DDX19B: variants seen among roughly 807,000 people sequenced by gnomAD.
DDX19B encodes the protein DEAD-box helicase 19B.
A neutral mutation model predicts 58.1 loss-of-function variants in DDX19B; 27 were observed. That is an observed-to-expected ratio of 0.46 (90% confidence interval 0.34 to 0.64). The LOEUF is 0.64. DDX19B is among the 30% of genes least tolerant of loss of function. The pLI is 0.01. For missense variants in DDX19B, 399 were observed against 596.5 expected, an observed-to-expected ratio of 0.67 and a Z score of 3.45; for synonymous variants, 187 against 214.4, an observed-to-expected ratio of 0.87 and a Z score of 1.12.
chr16:70,335,059 AG>A lies in DDX19B; in HGVS notation c.*1479del, dbSNP rs1197319157. On this transcript the variant is annotated 3_prime_UTR_variant, in exon 12 of 12. Transcript: ENST00000288071. ...AGGGAAGGGGCCAATGTCAGCCTCC[AG>A]GTGATTTCTTTAATCTGACATTACA... 6.6e-6 allele frequency: 1 copy of A among 152,208 alleles called. No individual in the cohort carries two copies. The highest frequency in any genetic ancestry group is 1.5e-5 in the Non-Finnish European group (1 of 68,070). 9.4% of individuals were successfully genotyped at this position (152,208 alleles called of 1,614,324 possible). A position where few individuals can be genotyped will look rare whatever the true frequency, so the allele number is the denominator to read the frequency against.
At chr16:70,317,784 A>C in intron 5 of DDX19B, 196 bp downstream of exon 5, 1 of 368,878 alleles carries the variant, frequency 2.7e-6, no homozygotes, top group South Asian at 3.6e-5. Flanking sequence ...CAAAAAAAAA[A>C]ACGTTATAAA....
intron 1 of DDX19B, among the ~76,000 whole-genome samples, chr16:70,304,150 C>T (rs1388700057): frequency 6.6e-6 from 1 of 151,654 alleles, no homozygotes; most frequent in African/African-American, 2.4e-5. Flanking sequence ...AAGCAATTCT[C>T]CTGCCTCAGC....
At chr16:70,301,696 CTTT>C (rs75159803) in intron 1 of DDX19B, among the ~76,000 whole-genome samples, 6 of 136,668 alleles carry the variant, frequency 4.4e-5, no homozygotes, top group Admixed American at 7.4e-5. Flanking sequence ...CTCTCTCTCT[CTTT>C]TTTTTTTTTT....
In DDX19B at chr16:70,331,716, C is replaced by T; in HGVS notation, c.1024-6C>T. ...TCTTCATAAAAAACAATTCTTTTCA[C>T]TACAGACTCGCAAAACAGCTAGTTG... On this transcript the variant is annotated splice_region_variant and splice_polypyrimidine_tract_variant and intron_variant, in intron 9 of 11. Coordinates refer to ENST00000288071, the MANE Select transcript of DDX19B (RefSeq NM_007242.7). 2 of 1,613,360 alleles carry T rather than the reference C, an allele frequency of 1.2e-6. No individual in the cohort carries two copies. Among genetic ancestry groups the T allele is most frequent in the Non-Finnish European group, 1.7e-6 (2 of 1,179,812 alleles).
intron 1 of DDX19B, among the ~76,000 whole-genome samples, chr16:70,300,422 G>C (rs754312133): frequency 4.7e-4 from 71 of 151,976 alleles, no homozygotes; most frequent in South Asian, 4.1e-4. Context: ...TGCCCAGGCT[G>C]GTCTCGAACT....
intron 4 of DDX19B, 100 bp downstream of exon 4, chr16:70,316,204 T>TAAA: frequency 7.1e-7 from 1 of 1,415,398 alleles, no homozygotes; most frequent in South Asian, 1.5e-5. Flanking sequence ...CAGTTTTAGC[T>TAAA]AACCAAGTTT....
upstream of DDX19B, among the ~76,000 whole-genome samples, chr16:70,291,065 CAT>C (rs1194507878): frequency 3.3e-5 from 5 of 152,180 alleles, no homozygotes; most frequent in Admixed American, 6.5e-5. Flanking sequence ...CCAGTAAAAA[CAT>C]AAATCATTTG....
upstream of DDX19B, among the ~76,000 whole-genome samples, chr16:70,293,085 A>T (rs1961101067): frequency 1.5e-5 from 2 of 132,952 alleles, no homozygotes; most frequent in East Asian, 3.9e-4. Flanking sequence ...TGTCTCAAAA[A>T]AATTAAATTA....
At position 70,309,274 on chromosome 16, in the gene DDX19B, T is replaced by A. The variant is rs932888104; in HGVS notation, c.58-3335T>A. On this transcript the variant is annotated intron_variant, in intron 1 of 11. Coordinates refer to ENST00000288071, the MANE Select transcript of DDX19B (RefSeq NM_007242.7). ...ACTTCGGGAGGCCGAGGCGGGCAGATCACGAGGTCAGGAGATCGAGACCAT... is the reference window on the plus strand; with the variant it reads ...ACTTCGGGAGGCCGAGGCGGGCAGAACACGAGGTCAGGAGATCGAGACCAT... 4.6e-5 allele frequency among the ~76,000 whole-genome samples: 7 copies of A among 151,946 alleles called. No homozygotes were observed. In the South Asian group the frequency reaches 8.3e-4, roughly 18 times the overall value.
In DDX19B at chr16:70,329,343, C is replaced by T. The variant is rs1272595007; in HGVS notation, c.659C>T (p.Thr220Ile). 2 of 1,614,030 alleles carry T rather than the reference C, an allele frequency of 1.2e-6. No individual in the cohort carries two copies. The highest frequency in any genetic ancestry group is 2.2e-5 in the East Asian group (1 of 44,878). The change falls in exon 8 of 12, where the codon ACT becomes ATT. Residue 220 changes from threonine (T) to isoleucine (I), a missense_variant. Coordinates refer to ENST00000288071, the MANE Select transcript of DDX19B (RefSeq NM_007242.7). ...CAGATTGTCATTGGCACCCCTGGGA[C>T]TGTGCTGGACTGGTGCTCCAAGCTC... ...SEQIVIGTPGTVLDWCSKLKF... is the reference protein window; with the variant it reads ...SEQIVIGTPGIVLDWCSKLKF...
chr16:70,295,633 T>A (rs561912576), upstream of DDX19B, among the ~76,000 whole-genome samples: 1 of 152,226 alleles, frequency 6.6e-6, no homozygotes, highest in East Asian at 1.9e-4. Context: ...AGTAATTTTA[T>A]TTATTAAGTT....
At chr16:70,294,819 G>A, upstream of DDX19B, 1 of 1,466,474 alleles carries the variant, frequency 6.8e-7, no homozygotes, top group Non-Finnish European at 9.0e-7. Flanking sequence ...AGCGGTTGTT[G>A]GAGTGTAACT....
At chr16:70,324,207 G>C (rs1963010666) in intron 5 of DDX19B, among the ~76,000 whole-genome samples, 1 of 151,772 alleles carries the variant, frequency 6.6e-6, no homozygotes, top group South Asian at 2.1e-4. Context: ...CACATTTTAA[G>C]AATCAGTAGG....
Position 70,329,329 on chromosome 16 carries a change from T to C in DDX19B, c.645T>C (p.Ile215=). The change falls in exon 8 of 12, where the codon ATT becomes ATC. Residue 215 remains isoleucine, a synonymous_variant. Coordinates refer to ENST00000288071, the MANE Select transcript of DDX19B (RefSeq NM_007242.7). ...AGAAGATCAGTGAGCAGATTGTCAT[T>C]GGCACCCCTGGGACTGTGCTGGACT... is the stretch of plus-strand genomic sequence containing the variant. ...RGQKISEQIV[I]GTPGTVLDWC... is the part of the protein sequence containing the mutation. 6.2e-7 allele frequency: 1 copy of C among 1,614,006 alleles called. No homozygotes were observed. Among genetic ancestry groups the C allele is most frequent in the Non-Finnish European group, 8.5e-7 (1 of 1,180,000 alleles).
intron 1 of DDX19B, among the ~76,000 whole-genome samples, chr16:70,306,922 G>A (rs1035753988): frequency 1.3e-5 from 2 of 152,156 alleles, no homozygotes; most frequent in Non-Finnish European, 2.9e-5. Context: ...TCTACTTTCT[G>A]TCTCTTTAGA....
intron 1 of DDX19B, among the ~76,000 whole-genome samples, 167 bp downstream of exon 1, chr16:70,299,521 G>A (rs1961373543): frequency 6.6e-6 from 1 of 152,136 alleles, no homozygotes; most frequent in Non-Finnish European, 1.5e-5. Flanking sequence ...CCGCCTCCGC[G>A]TTACGTAAGC....
At chr16:70,296,235 C>G (rs902196066), upstream of DDX19B, among the ~76,000 whole-genome samples, 3 of 152,018 alleles carry the variant, frequency 2.0e-5, no homozygotes, top group Admixed American at 6.6e-5. Flanking sequence ...AACTCCTGAC[C>G]TCGTGATCCA....
chr16:70,325,788 G>C (rs567256189), intron 7 of DDX19B, 100 bp downstream of exon 7: 40 of 875,964 alleles, frequency 4.6e-5, no homozygotes, highest in Non-Finnish European at 1.9e-5. Context: ...ATAAACACAT[G>C]TATGTTCTCC....
At position 70,331,778 on chromosome 16, in the gene DDX19B, G is replaced by A; in HGVS notation, c.1080G>A (p.Val360=). ...AGCTCTCAAAAGAAGGCCACCAGGT[G>A]GCTCTGCTGAGTGGGGAGATGATGG... is the stretch of plus-strand genomic sequence containing the variant. ...AAELSKEGHQ[V]ALLSGEMMVE... The change falls in exon 10 of 12, where the codon GTG becomes GTA. Residue 360 remains valine (V), a synonymous_variant. Transcript: ENST00000288071. 6.2e-7 allele frequency: 1 copy of A among 1,614,222 alleles called. No individual in the cohort carries two copies. Among genetic ancestry groups the A allele is most frequent in the Non-Finnish European group, 8.5e-7 (1 of 1,180,030 alleles).
Sources: allele counts gnomAD v4.1 joint callset (sites outside exome capture counted in the v4.1 genomes callset), GRCh38; gene constraint gnomAD v4.1.1; transcripts MANE v1.5; gene names NCBI Gene and HGNC (gene_info 2026-07-23, HGNC 2026-07-21).